Variants in CELF2 observed in about 807,000 individuals in gnomAD.
The protein encoded by CELF2 is CUGBP Elav-like family member 2, also known as CUG triplet repeat RNA-binding protein 2.
CELF2 carries 8 observed loss-of-function variants against 62.6 expected under a neutral mutation model. That is an observed-to-expected ratio of 0.13 (90% CI 0.07 to 0.23). The LOEUF (loss-of-function observed/expected upper bound fraction) is 0.23. Ranked by LOEUF, CELF2 falls within the 10% of genes least tolerant of loss-of-function variation. CELF2 has a pLI of 1.00. For synonymous variants in CELF2, 258 were observed against 250.0 expected, an observed-to-expected ratio of 1.03 and a Z score of -0.30; for missense variants, 333 against 671.0, an observed-to-expected ratio of 0.50 and a Z score of 5.56.
the CELF2 span, among the ~76,000 whole-genome samples, chr10:10,553,209 C>A: frequency 1.3e-5 from 2 of 152,140 alleles, no homozygotes; most frequent in African/African-American, 4.8e-5. Flanking sequence ...GGGAACTCCC[C>A]TTTATAAAAC....
At chr10:10,888,676 C>T (rs1001716949) in intron 1 of CELF2, among the ~76,000 whole-genome samples, 5 of 152,158 alleles carry the variant, frequency 3.3e-5, no homozygotes, top group Non-Finnish European at 7.4e-5. Context: ...GTTTTCATAC[C>T]TCCATGCCTT....
the CELF2 span, among the ~76,000 whole-genome samples, chr10:10,740,015 A>G: frequency 6.6e-6 from 1 of 152,094 alleles, no homozygotes; most frequent in South Asian, 2.1e-4. Flanking sequence ...TTTGGATATT[A>G]AGCCCTTATT....
chr10:10,915,159 G>A (rs2064209745), intron 1 of CELF2, among the ~76,000 whole-genome samples: 1 of 150,790 alleles, frequency 6.6e-6, no homozygotes, highest in Admixed American at 6.6e-5. Flanking sequence ...AGATTTTTTA[G>A]TGTTCTGCTT....
chr10:10,933,813 A>G (rs1261900651), intron 2 of CELF2, among the ~76,000 whole-genome samples: 1 of 152,178 alleles, frequency 6.6e-6, no homozygotes, highest in Non-Finnish European at 1.5e-5. Context: ...TATTGTGTAT[A>G]TATACCACAT....
the CELF2 span, among the ~76,000 whole-genome samples, chr10:10,521,379 T>C: frequency 1.3e-5 from 2 of 152,182 alleles, no homozygotes; most frequent in Non-Finnish European, 2.9e-5. Flanking sequence ...GGGAAGCTAT[T>C]GAGGCACAGT....
chr10:11,250,726 C>G (rs1016933298), intron 4 of CELF2, among the ~76,000 whole-genome samples: 1 of 152,218 alleles, frequency 6.6e-6, no homozygotes, highest in African/African-American at 2.4e-5. Flanking sequence ...TGGATTTCTG[C>G]AGTTGTAAAA....
chr10:10,701,623 GGTT>G, the CELF2 span, among the ~76,000 whole-genome samples: 3 of 152,202 alleles, frequency 2.0e-5, no homozygotes, highest in African/African-American at 4.8e-5. Context: ...ACTATAACCA[GGTT>G]GTTGTTGTTG....
At chr10:10,784,320 G>A in the CELF2 span, 4 of 152,462 alleles carry the variant, frequency 2.6e-5, no homozygotes, top group Non-Finnish European at 5.9e-5. Flanking sequence ...GCCCCAGTCA[G>A]CGTGTTACAG....
At chr10:10,916,760 G>A (rs990825264) in intron 1 of CELF2, among the ~76,000 whole-genome samples, 15 of 151,950 alleles carry the variant, frequency 9.9e-5, no homozygotes, top group African/African-American at 3.1e-4. Flanking sequence ...TTACAGGCGC[G>A]TGCCAGCACA....
At chr10:11,139,854 T>TA (rs1564905010) in intron 1 of CELF2, among the ~76,000 whole-genome samples, 4 of 151,840 alleles carry the variant, frequency 2.6e-5, no homozygotes, top group East Asian at 1.9e-4. Flanking sequence ...TTTTTTTTTT[T>TA]ATTCAGCAAA....
Position 11,087,957 on chromosome 10 carries a change from A to G in CELF2, c.74+69794A>G, listed in dbSNP as rs561331543. The stretch of plus-strand genomic sequence containing the variant: ...AAGATGATTAACTGTTTTCCTGCCA[A>G]TGAAGTCTGTTCTTCTGATACATTC... On this transcript the variant is annotated intron_variant, in intron 1 of 12. Coordinates refer to ENST00000633077, the MANE Select transcript of CELF2 (RefSeq NM_001326342.2). Among the ~76,000 whole-genome samples, 186 of 152,354 alleles carry G rather than the reference A, an allele frequency of 1.2e-3. 1 individual carries two copies. The highest frequency in any genetic ancestry group is 2.1e-3 in the Non-Finnish European group (144 of 68,028).
chr10:10,982,448 G>T (rs1459345949), intron 2 of CELF2, among the ~76,000 whole-genome samples: 1 of 152,116 alleles, frequency 6.6e-6, no homozygotes, highest in African/African-American at 2.4e-5. Flanking sequence ...TGAATTATTG[G>T]CTGCTACAAA....
chr10:11,302,796 T>A lies in CELF2; in HGVS notation c.977-11343T>A, dbSNP rs921748634. On this transcript the variant is annotated intron_variant, in intron 9 of 12. Transcript: ENST00000633077. This position sits in a 1 kb window ranked among gnomAD's most constrained non-coding sequence, Gnocchi z 5.0. The stretch of plus-strand genomic sequence containing the variant: ...TCGGGTCTCTAAATTGACATGAGAT[T>A]TTCACATTGTTCCGCTGTGCTGCGG... 6.6e-6 allele frequency among the ~76,000 whole-genome samples: 1 copy of A among 152,224 alleles called. No individual in the cohort carries two copies. Among genetic ancestry groups the A allele is most frequent in the Non-Finnish European group, 1.5e-5 (1 of 68,034 alleles).
intron 8 of CELF2, among the ~76,000 whole-genome samples, chr10:11,283,633 T>G (rs2089803642): frequency 6.9e-6 from 1 of 144,776 alleles, no homozygotes; most frequent in African/African-American, 2.6e-5. Context: ...GGTGGGTGGG[T>G]GGATGCATGG....
chr10:11,217,382 G>A lies in CELF2; in HGVS notation c.272-43G>A, dbSNP rs758208953. On this transcript the variant is annotated intron_variant, in intron 2 of 12. Transcript: ENST00000633077. The surrounding 1 kb of genome is among the most constrained non-coding windows in gnomAD (Gnocchi z 5.6). ...ACAGTCTCCATTATATCTAAGCAAA[G>A]CATTCACAGAAATTTCTAAAACCTT... The A allele has an allele frequency of 7.3e-7, 1 of 1,376,830 alleles. No homozygotes were observed. The highest frequency in any genetic ancestry group is 1.0e-6 in the Non-Finnish European group (1 of 970,776). 85.3% of individuals were successfully genotyped at this position (1,376,830 alleles called of 1,614,324 possible).
Position 10,995,933 on chromosome 10 carries a change from T to G in CELF2, c.89+75934T>G, listed in dbSNP as rs2053900195. Among the ~76,000 whole-genome samples, 1 of 152,220 alleles carries G rather than the reference T, an allele frequency of 6.6e-6. No individual in the cohort carries two copies. Among genetic ancestry groups the G allele is most frequent in the Non-Finnish European group, 1.5e-5 (1 of 68,030 alleles). Reference sequence around the variant, plus strand: ...CTGGAATTAAAAATGAACATAAGACTCTTTTGATCTGGGTGCTGACTGCAT... The same window carrying G: ...CTGGAATTAAAAATGAACATAAGACGCTTTTGATCTGGGTGCTGACTGCAT... On this transcript the variant is annotated intron_variant, in intron 2 of 13. Transcript: ENST00000636488. This position sits in a 1 kb window ranked among gnomAD's most constrained non-coding sequence, Gnocchi z 4.7.
intron 2 of CELF2, chr10:10,925,218 G>A (rs2065348494): frequency 6.6e-6 from 1 of 152,046 alleles, no homozygotes; most frequent in Admixed American, 6.6e-5. Flanking sequence ...AAATATGCTG[G>A]TACTTCCAGG....
At position 11,117,200 on chromosome 10, in the gene CELF2, T is replaced by C. The variant is rs1164484649; in HGVS notation, c.75-48286T>C. 1.3e-5 allele frequency among the ~76,000 whole-genome samples: 2 copies of C among 152,216 alleles called. No homozygotes were observed. The highest frequency in any genetic ancestry group is 2.9e-5 in the Non-Finnish European group (2 of 68,036). On this transcript the variant is annotated intron_variant, in intron 1 of 12. Transcript: ENST00000633077. The surrounding 1 kb of genome is among the most constrained non-coding windows in gnomAD (Gnocchi z 4.1). The stretch of plus-strand genomic sequence containing the variant: ...TATCATCCCGCTCTACTCACATCTT[T>C]TAGGCTCATTAAAGGATTTAGTTGA...
chr10:10,761,091 A>G, the CELF2 span, among the ~76,000 whole-genome samples: 4 of 152,282 alleles, frequency 2.6e-5, no homozygotes, highest in African/African-American at 7.2e-5. Flanking sequence ...CATTGTGGTC[A>G]ACAATTCCAA....
Sources: allele counts gnomAD v4.1 joint callset (sites outside exome capture counted in the v4.1 genomes callset), GRCh38; gene constraint gnomAD v4.1.1; non-coding constraint Gnocchi (gnomAD v3.1); transcripts MANE v1.5; gene names NCBI Gene and HGNC (gene_info 2026-07-23, HGNC 2026-07-21).